MRPS26: variants seen among roughly 807,000 people sequenced by gnomAD.
MRPS26 encodes mitochondrial ribosomal protein S26, also known as small ribosomal subunit protein mS26.
In MRPS26, 26 loss-of-function variants were observed where a neutral mutation model predicts 22.7. That is an observed-to-expected ratio of 1.15 (90% confidence interval 0.84 to 1.59). The LOEUF is 1.59. Among genes scored for constraint, MRPS26 ranks in the 40% most tolerant of loss-of-function variants. The pLI is 0.00. For missense variants in MRPS26, 291 were observed against 287.7 expected, an observed-to-expected ratio of 1.01 and a Z score of -0.08; for synonymous variants, 120 against 124.0, an observed-to-expected ratio of 0.97 and a Z score of 0.22.
Position 3,046,650 on chromosome 20 carries a change from G to A in MRPS26, c.396G>A (p.Glu132=), listed in dbSNP as rs1327999511. 1.3e-6 allele frequency: 2 copies of A among 1,541,208 alleles called. No homozygotes were observed. Among genetic ancestry groups the A allele is most frequent in the African/African-American group, 1.4e-5 (1 of 73,028 alleles). ...TGCGGCAGGAGGAGCGGGAGCAGGAGCAGCGGCAGGCGTTGGAGCAGGCCC... is the reference window on the plus strand; with the variant it reads ...TGCGGCAGGAGGAGCGGGAGCAGGAACAGCGGCAGGCGTTGGAGCAGGCCC... ...ARLRQEEREQ[E]QRQALEQARK... is the part of the protein sequence containing the mutation. Residue 132 remains glutamate, a synonymous_variant, in exon 3 of 4, where the codon GAG becomes GAA. Coordinates refer to ENST00000380325, the MANE Select transcript of MRPS26 (RefSeq NM_030811.4).
Position 3,046,374 on chromosome 20 carries a change from A to T in MRPS26, c.214A>T (p.Met72Leu). 2 of 1,609,034 alleles carry T rather than the reference A, an allele frequency of 1.2e-6. No homozygotes were observed. The highest frequency in any genetic ancestry group is 8.5e-7 in the Non-Finnish European group (1 of 1,178,826). ...HYRQTVRALR[M>L]EFVSEVQRKV... ...GATTCCTGGCGCGTCTGCACCCAGG[A>T]TGGAGTTCGTGTCCGAGGTGCAGAG... Residue 72 changes from methionine to leucine, a missense_variant and splice_region_variant, in exon 2 of 4, where the codon ATG (methionine) becomes TTG (leucine). Coordinates refer to ENST00000380325, the MANE Select transcript of MRPS26 (RefSeq NM_030811.4).
rs745906991 is a variant in MRPS26, at chr20:3,046,151, AGACCCGCCAC to A, written c.91_100del (p.His31TrpfsTer9). On this transcript the variant is annotated frameshift_variant, in exon 1 of 4. Coordinates refer to ENST00000380325, the MANE Select transcript of MRPS26 (RefSeq NM_030811.4). LOFTEE classifies it high-confidence loss of function. The stretch of plus-strand genomic sequence containing the variant: ...CTGGTGCTGCCAGCGCGCGGCCGCA[AGACCCGCCAC>A]GACCCGCTGGCCAAATCCAAGATCG... The A allele has an allele frequency of 2.5e-6, 4 of 1,596,144 alleles. No individual in the cohort carries two copies. Among genetic ancestry groups the A allele is most frequent in the Non-Finnish European group, 3.4e-6 (4 of 1,178,756 alleles).
At position 3,046,704 on chromosome 20, in the gene MRPS26, G is replaced by T. The variant is rs1220258161; in HGVS notation, c.450G>T (p.Ala150=). 1.9e-6 allele frequency: 3 copies of T among 1,544,846 alleles called. No individual in the cohort carries two copies. The highest frequency in any genetic ancestry group is 2.4e-5 in the East Asian group (1 of 40,898). The change falls in exon 3 of 4, where the codon GCG becomes GCT. Residue 150 remains alanine (A), a synonymous_variant. Transcript: ENST00000380325. ...AGGCCGAAGAGGTGCAGGCCTGGGC[G>T]CAGCGCAAGGAGCGGGAAGTGCTGC... The part of the protein sequence containing the change: ...ARKAEEVQAW[A]QRKEREVLQL...
At chr20:3,047,367 C>G (rs554762954) in intron 3 of MRPS26, among the ~76,000 whole-genome samples, 68 of 151,624 alleles carry the variant, frequency 4.5e-4, no homozygotes, top group Non-Finnish European at 4.4e-4. Context: ...CCATCCTGGG[C>G]GACAGTGAGA....
rs377400701 is a variant in MRPS26, at chr20:3,046,746, C to A, written c.483+9C>A. 1.6e-3 allele frequency: 2,509 copies of A among 1,537,060 alleles called. 60 individuals are homozygous for A. The South Asian group carries it at 0.024, about 15-fold the overall frequency. ...AAGTGCTGCAGCTGCAGGTGGGCAA[C>A]GTCTCCGGAGGGTGGGACTCCAGCC... On this transcript the variant is annotated intron_variant, in intron 3 of 3. Transcript: ENST00000380325.
At chr20:3,046,838 GACTT>G (rs1356886055) in intron 3 of MRPS26, 101 bp downstream of exon 3, 16 of 1,477,832 alleles carry the variant, frequency 1.1e-5, no homozygotes, top group Non-Finnish European at 9.0e-7. Flanking sequence ...TATGTGCAGA[GACTT>G]ACAGTTGGCA....
chr20:3,046,671 G>C lies in MRPS26; in HGVS notation c.417G>C (p.Gln139His). The C allele has an allele frequency of 6.5e-7, 1 of 1,545,178 alleles. No homozygotes were observed. Among genetic ancestry groups the C allele is most frequent in the Non-Finnish European group, 8.7e-7 (1 of 1,145,260 alleles). The part of the protein sequence containing the change: ...REQEQRQALE[Q>H]ARKAEEVQAW... ...AGGAGCAGCGGCAGGCGTTGGAGCA[G>C]GCCCGCAAGGCCGAAGAGGTGCAGG... Residue 139 changes from glutamine (Q) to histidine (H), a missense_variant, in exon 3 of 4, where the codon CAG (glutamine) becomes CAC (histidine). Coordinates refer to ENST00000380325, the MANE Select transcript of MRPS26 (RefSeq NM_030811.4).
chr20:3,046,581 C>A, intron 2 of MRPS26, 33 bp from the exon 3 acceptor site: 1 of 1,529,924 alleles, frequency 6.5e-7, no homozygotes. Flanking sequence ...GAAGCCCGGG[C>A]CCCGCTCAGC....
chr20:3,047,444 T>C (rs1309805682), intron 3 of MRPS26, among the ~76,000 whole-genome samples: 1 of 152,018 alleles, frequency 6.6e-6, no homozygotes, highest in Non-Finnish European at 1.5e-5. Context: ...GTTAGAGTGA[T>C]TCAGAGGGGA....
chr20:3,046,378 A>AC lies in MRPS26; in HGVS notation c.218_219insC (p.Glu73AspfsTer138). 1.2e-6 allele frequency: 2 copies of AC among 1,609,108 alleles called. No individual in the cohort carries two copies. Among genetic ancestry groups the AC allele is most frequent in the Non-Finnish European group, 1.7e-6 (2 of 1,178,814 alleles). On this transcript the variant is annotated frameshift_variant, in exon 2 of 4. Transcript: ENST00000380325. LOFTEE classifies it high-confidence loss of function. ...CCTGGCGCGTCTGCACCCAGGATGG[A>AC]GTTCGTGTCCGAGGTGCAGAGGAAG...
intron 3 of MRPS26, 72 bp from the exon 4 acceptor site, chr20:3,047,663 G>A (rs1336443849): frequency 1.3e-6 from 2 of 1,597,818 alleles, no homozygotes; most frequent in African/African-American, 2.7e-5. Context: ...GGGGTGAGAG[G>A]CCAGCAGGCT....
Position 3,046,641 on chromosome 20 carries a change from G to T in MRPS26, c.387G>T (p.Arg129=). 6.5e-7 allele frequency: 1 copy of T among 1,539,866 alleles called. No homozygotes were observed. The highest frequency in any genetic ancestry group is 2.4e-5 in the East Asian group (1 of 41,152). The change falls in exon 3 of 4, where the codon CGG becomes CGT. Residue 129 remains arginine, a synonymous_variant. Transcript: ENST00000380325. ...LRIARLRQEE[R]EQEQRQALEQ... is the part of the protein sequence containing the mutation. ...TAGCGAGGCTGCGGCAGGAGGAGCG[G>T]GAGCAGGAGCAGCGGCAGGCGTTGG...
Position 3,047,750 on chromosome 20 carries a change from T to C in MRPS26, c.499T>C (p.Phe167Leu), listed in dbSNP as rs953721437. 5 of 1,613,444 alleles carry C rather than the reference T, an allele frequency of 3.1e-6. No homozygotes were observed. The highest frequency in any genetic ancestry group is 4.2e-6 in the Non-Finnish European group (5 of 1,179,806). ...CTCCCGATAGGAAGAGGTGAAAAAC[T>C]TCATCACCCGAGAGAACCTGGAGGC... ...VLQLQEEVKN[F>L]ITRENLEARV... Residue 167 changes from phenylalanine to leucine, a missense_variant, in exon 4 of 4, where the codon TTC (phenylalanine) becomes CTC (leucine). Phe to Leu is a conservative substitution (Grantham distance 22). Transcript: ENST00000380325.
chr20:3,046,338 G>A (rs2065988020), intron 1 of MRPS26, 35 bp from the exon 2 acceptor site: 1 of 1,606,396 alleles, frequency 6.2e-7, no homozygotes, highest in South Asian at 1.1e-5. Context: ...GGAGTGGGCG[G>A]AGAGGGTGCT....
At chr20:3,046,832 T>G (rs2065991575) in intron 3 of MRPS26, 95 bp downstream of exon 3, 1 of 1,491,912 alleles carries the variant, frequency 6.7e-7, no homozygotes, top group Non-Finnish European at 8.9e-7. Context: ...GCTGGCTATG[T>G]GCAGAGACTT....
At position 3,046,669 on chromosome 20, in the gene MRPS26, C is replaced by G; in HGVS notation, c.415C>G (p.Gln139Glu). The G allele has an allele frequency of 6.5e-7, 1 of 1,543,962 alleles. No individual in the cohort carries two copies. Among genetic ancestry groups the G allele is most frequent in the East Asian group, 2.4e-5 (1 of 41,050 alleles). The change falls in exon 3 of 4, where the codon CAG (glutamine) becomes GAG (glutamate). Residue 139 changes from glutamine to glutamate, a missense_variant. By Grantham distance (29) the Gln-to-Glu change is conservative. Transcript: ENST00000380325. ...REQEQRQALE[Q>E]ARKAEEVQAW... ...GCAGGAGCAGCGGCAGGCGTTGGAG[C>G]AGGCCCGCAAGGCCGAAGAGGTGCA...
rs979590929 is a variant in MRPS26 at position 3,046,817 on chromosome 20, C to T, written c.483+80C>T. 22 of 1,506,426 alleles carry T rather than the reference C, an allele frequency of 1.5e-5. No individual in the cohort carries two copies. In the East Asian group the frequency reaches 2.2e-4, roughly 15 times the overall value. The allele number at this position is 1,506,426 out of a possible 1,614,324, so 93.3% of individuals were successfully genotyped here. A position where few individuals can be genotyped will look rare whatever the true frequency, so the allele number is the denominator to read the frequency against. ...ACTGGGAATTCTGGGCACCGCGACG[C>T]GGGCGCTGGCTATGTGCAGAGACTT... On this transcript the variant is annotated intron_variant, in intron 3 of 3. Coordinates refer to ENST00000380325, the MANE Select transcript of MRPS26 (RefSeq NM_030811.4).
chr20:3,047,107 G>A (rs548684525), intron 3 of MRPS26, among the ~76,000 whole-genome samples: 1 of 152,302 alleles, frequency 6.6e-6, no homozygotes, highest in South Asian at 2.1e-4. Flanking sequence ...TTGATTTAAA[G>A]TATAGAAGGG....
At position 3,046,205 on chromosome 20, in the gene MRPS26, C is replaced by T; in HGVS notation, c.137C>T (p.Pro46Leu). The change falls in exon 1 of 4, where the codon CCC (proline) becomes CTC (leucine). Residue 46 changes from proline (P) to leucine (L), a missense_variant. Coordinates refer to ENST00000380325, the MANE Select transcript of MRPS26 (RefSeq NM_030811.4). ...KSKIERVNMP[P>L]AVDPAEFFVL... ...AAGATCGAGCGAGTGAACATGCCGCCCGCGGTGGACCCTGCGGAGTTCTTC... is the reference window on the plus strand; with the variant it reads ...AAGATCGAGCGAGTGAACATGCCGCTCGCGGTGGACCCTGCGGAGTTCTTC... 3 of 1,602,688 alleles carry T rather than the reference C, an allele frequency of 1.9e-6. No homozygotes were observed. The highest frequency in any genetic ancestry group is 2.5e-6 in the Non-Finnish European group (3 of 1,179,630).
Sources: gnomAD v4.1 joint callset for allele counts (sites outside exome capture counted in the v4.1 genomes callset) on GRCh38, gnomAD v4.1.1 for gene constraint, MANE v1.5 for transcripts, NCBI Gene and HGNC (gene_info 2026-07-23, HGNC 2026-07-21) for gene names.